The following CFAP47 variants were observed in gnomAD, a reference collection of about 807,000 sequenced individuals.
CFAP47 encodes cilia- and flagella-associated protein 47.
In CFAP47, 29 loss-of-function variants were observed where a neutral mutation model predicts 148.1. The observed-to-expected ratio is 0.20, with a 90% confidence interval of 0.15 to 0.27. The LOEUF is 0.27. Among genes scored for constraint, CFAP47 ranks in the 10% least tolerant of loss-of-function variants. The pLI is 1.00. For missense variants in CFAP47, 1,872 were observed against 1,697.5 expected (o/e 1.10, Z -1.81); for synonymous variants, 664 against 577.3 (o/e 1.15, Z -2.15).
At chrX:35,931,790 A>T (rs61184869) in intron 2 of CFAP47, among the ~76,000 whole-genome samples, 4,357 of 111,427 alleles carry the variant, frequency 0.039, 204 homozygotes, top group African/African-American at 0.13. Context: ...TGAAGTGTAG[A>T]AGCTTCATTT....
intron 33 of CFAP47, among the ~76,000 whole-genome samples, chrX:36,114,902 G>A (rs1752201389): frequency 8.9e-6 from 1 of 112,187 alleles, no homozygotes; most frequent in Non-Finnish European, 1.9e-5. Flanking sequence ...TGGGTGCTGG[G>A]ATTCCTGCCT....
intron 32 of CFAP47, among the ~76,000 whole-genome samples, chrX:36,101,759 A>T (rs756844373): frequency 8.9e-6 from 1 of 112,062 alleles, no homozygotes; most frequent in African/African-American, 3.2e-5. Flanking sequence ...CCTAGTCAAG[A>T]TGATTCTTCA....
chrX:35,994,277 G>T (rs1936821676), intron 18 of CFAP47, among the ~76,000 whole-genome samples: 2 of 110,784 alleles, frequency 1.8e-5, no homozygotes, highest in South Asian at 7.4e-4. Context: ...AAAAAAGAAA[G>T]AAAAATATTA....
chrX:36,182,658 T>G (rs1826063474), intron 40 of CFAP47, among the ~76,000 whole-genome samples: 1 of 112,139 alleles, frequency 8.9e-6, no homozygotes. Context: ...ATTAATTTTC[T>G]TATGCAATCC....
chrX:36,297,302 A>G (rs1423216124), intron 51 of CFAP47, among the ~76,000 whole-genome samples: 1 of 111,878 alleles, frequency 8.9e-6, no homozygotes, highest in Non-Finnish European at 1.9e-5. Context: ...CAAAGCTGTA[A>G]TATCTGCCTT....
intron 49 of CFAP47, among the ~76,000 whole-genome samples, chrX:36,255,501 T>C (rs782145387): frequency 5.4e-5 from 6 of 111,012 alleles, no homozygotes; most frequent in Admixed American, 9.6e-5. Context: ...TGATCAGTCA[T>C]TGAAAGTGGG....
intron 38 of CFAP47, among the ~76,000 whole-genome samples, chrX:36,159,988 A>G (rs993632413): frequency 3.6e-5 from 4 of 111,971 alleles, no homozygotes; most frequent in Non-Finnish European, 7.5e-5. Flanking sequence ...ATTGTGATTG[A>G]CTTTTTGTAG....
chrX:36,329,292 T>C (rs1265456822), intron 57 of CFAP47, among the ~76,000 whole-genome samples: 1 of 111,667 alleles, frequency 9.0e-6, no homozygotes, highest in Admixed American at 9.5e-5. Flanking sequence ...CTCCAAAATA[T>C]ATATTCTCAA....
intron 62 of CFAP47, 110 bp downstream of exon 62, chrX:36,367,237 C>A (rs782587639): frequency 8.0e-6 from 4 of 502,486 alleles, no homozygotes; most frequent in East Asian, 4.0e-5. Flanking sequence ...TAAGCCAGCG[C>A]AACATTGGTT....
At chrX:36,062,275 C>T (rs747862401) in intron 26 of CFAP47, among the ~76,000 whole-genome samples, 9 of 111,098 alleles carry the variant, frequency 8.1e-5, no homozygotes, top group African/African-American at 1.3e-4. Context: ...CATGCCATCA[C>T]GGTATTTTGT....
rs1556020452 is a variant in CFAP47, at chrX:36,367,110, G to A, written c.9168G>A (p.Arg3056=). ...TTAAGGAATCTGTTTTTGAACTTAG[G>A]CTGAAAAGTCAGACAAGGTAATATA... The part of the protein sequence containing the change: ...GLFKESVFEL[R]LKSQTRNPEP... The change falls in exon 62 of 64, where the codon AGG becomes AGA. Residue 3056 remains arginine (R), a synonymous_variant. Transcript: ENST00000378653. 6.9e-6 allele frequency: 8 copies of A among 1,151,851 alleles called. No homozygotes were observed. The Admixed American group carries it at 2.1e-4, about 31-fold the overall frequency. 94.9% of individuals were successfully genotyped at this position (1,151,851 alleles called of 1,213,427 possible).
chrX:36,371,764 GTATATACACACATGTGTA>G lies in CFAP47; in HGVS notation c.9185+4643_9185+4660del, dbSNP rs1941954469. 9.9e-5 allele frequency among the ~76,000 whole-genome samples: 5 copies of G among 50,431 alleles called. 1 individual carries two copies. Among genetic ancestry groups the G allele is most frequent in the African/African-American group, 9.4e-4 (5 of 5,309 alleles). The allele number at this position is 50,431 out of a possible 115,157, so 43.8% of individuals were successfully genotyped here. A position where few individuals can be genotyped will look rare whatever the true frequency, so the allele number is the denominator to read the frequency against. The stretch of plus-strand genomic sequence containing the variant: ...TATGTGTGTATATACACACATGTGT[GTATATACACACATGTGTA>G]TATATGTGTGTATATACACACATGT... On this transcript the variant is annotated intron_variant, in intron 62 of 63. Transcript: ENST00000378653.
chrX:36,201,155 T>A, intron 43 of CFAP47, 119 bp from the exon 44 acceptor site: 1 of 291,075 alleles, frequency 3.4e-6, no homozygotes, highest in East Asian at 4.8e-5. Context: ...ATTTTTACTC[T>A]GTTTCATAAT....
intron 2 of CFAP47, 91 bp downstream of exon 2, chrX:35,926,259 A>C: frequency 1.4e-6 from 1 of 735,584 alleles, no homozygotes; most frequent in Non-Finnish European, 1.9e-6. Context: ...TTTCTGACAT[A>C]GTTTCCTGAC....
intron 15 of CFAP47, among the ~76,000 whole-genome samples, chrX:35,977,313 G>C (rs1354920492): frequency 8.9e-6 from 1 of 112,017 alleles, no homozygotes; most frequent in Non-Finnish European, 1.9e-5. Flanking sequence ...AAAATGGAGA[G>C]ATGACTACAT....
chrX:36,012,434 G>C (rs1192523221), intron 21 of CFAP47, among the ~76,000 whole-genome samples: 1 of 111,998 alleles, frequency 8.9e-6, no homozygotes, highest in African/African-American at 3.2e-5. Flanking sequence ...ATGAATGATA[G>C]ACTGGATAAA....
chrX:36,143,726 C>G (rs5973594), intron 35 of CFAP47, among the ~76,000 whole-genome samples: 12 of 111,305 alleles, frequency 1.1e-4, no homozygotes, highest in African/African-American at 4.0e-4. Flanking sequence ...TGTCCTGATA[C>G]CATTGCGCTG....
At chrX:36,198,691 T>C (rs1939944918) in intron 42 of CFAP47, among the ~76,000 whole-genome samples, 1 of 111,646 alleles carries the variant, frequency 9.0e-6, no homozygotes, top group African/African-American at 3.2e-5. Context: ...CTAGAGTCTG[T>C]TTTTCAGTCT....
intron 49 of CFAP47, among the ~76,000 whole-genome samples, chrX:36,261,458 G>A (rs1556000065): frequency 9.6e-6 from 1 of 104,429 alleles, no homozygotes; most frequent in Non-Finnish European, 1.9e-5. Context: ...GTTTTCCTAG[G>A]CAGAGGACCC....
Sources: allele counts gnomAD v4.1 joint callset (sites outside exome capture counted in the v4.1 genomes callset), GRCh38; gene constraint gnomAD v4.1.1; transcripts MANE v1.5; gene names NCBI Gene and HGNC (gene_info 2026-07-23, HGNC 2026-07-21).